Variants in IMMP2L observed in about 807,000 individuals in gnomAD.
IMMP2L encodes inner mitochondrial membrane peptidase subunit 2.
A neutral mutation model predicts 19.3 loss-of-function variants in IMMP2L; 18 were observed. The observed-to-expected ratio is 0.93, with a 90% CI of 0.64 to 1.38. IMMP2L has a LOEUF of 1.38. IMMP2L is among the 40% of genes most tolerant of loss of function. The pLI, the probability that IMMP2L is intolerant of heterozygous loss-of-function variation, is 0.00. For synonymous variants in IMMP2L, 76 were observed against 73.0 expected (o/e 1.04, Z -0.21); for missense variants, 233 against 218.2 (o/e 1.07, Z -0.43).
intron 3 of IMMP2L, among the ~76,000 whole-genome samples, chr7:111,312,985 G>C (rs921365281): frequency 6.6e-6 from 1 of 152,072 alleles, no homozygotes; most frequent in African/African-American, 2.4e-5. Flanking sequence ...CAAAAACAGG[G>C]TTTCAAACCA....
chr7:110,974,038 G>C (rs975206513), intron 3 of IMMP2L, among the ~76,000 whole-genome samples: 2 of 152,086 alleles, frequency 1.3e-5, no homozygotes, highest in African/African-American at 4.8e-5. Context: ...CCAGACACAG[G>C]TATAAGAACC....
At chr7:110,838,241 G>C (rs1457047314) in intron 5 of IMMP2L, among the ~76,000 whole-genome samples, 2 of 151,986 alleles carry the variant, frequency 1.3e-5, no homozygotes, top group African/African-American at 4.8e-5. Context: ...TAATATACAT[G>C]TTCTACTATT....
At chr7:111,379,994 G>C (rs1831044867) in intron 3 of IMMP2L, among the ~76,000 whole-genome samples, 1 of 151,806 alleles carries the variant, frequency 6.6e-6, no homozygotes, top group Non-Finnish European at 1.5e-5. Flanking sequence ...AAAATCAAAA[G>C]TAAGTTACTA....
chr7:111,251,682 G>C (rs1411235073), intron 3 of IMMP2L, among the ~76,000 whole-genome samples: 1 of 152,118 alleles, frequency 6.6e-6, no homozygotes, highest in East Asian at 1.9e-4. Flanking sequence ...TTATAAATGG[G>C]AGCTGAATGA....
intron 3 of IMMP2L, among the ~76,000 whole-genome samples, chr7:111,315,454 G>T (rs1823959808): frequency 6.6e-6 from 1 of 151,496 alleles, no homozygotes; most frequent in East Asian, 1.9e-4. Context: ...AATAAATAAA[G>T]TGAAGACAGA....
At chr7:110,719,367 G>A (rs1795430348) in intron 5 of IMMP2L, among the ~76,000 whole-genome samples, 6 of 152,084 alleles carry the variant, frequency 3.9e-5, no homozygotes, top group Admixed American at 3.9e-4. Context: ...AAGAAAAAAG[G>A]CCTTTCTCAC....
intron 2 of IMMP2L, among the ~76,000 whole-genome samples, chr7:111,510,405 T>C (rs751374940): frequency 6.6e-6 from 1 of 152,038 alleles, no homozygotes; most frequent in Non-Finnish European, 1.5e-5. Flanking sequence ...TAGATATAGA[T>C]ATTGATACAG....
At chr7:110,666,213 C>A (rs145220184) in intron 5 of IMMP2L, among the ~76,000 whole-genome samples, 3 of 152,106 alleles carry the variant, frequency 2.0e-5, no homozygotes, top group Non-Finnish European at 4.4e-5. Context: ...TACCTTGCAC[C>A]TAATACCTGC....
At chr7:110,730,251 G>A (rs1446724320) in intron 5 of IMMP2L, among the ~76,000 whole-genome samples, 3 of 152,066 alleles carry the variant, frequency 2.0e-5, no homozygotes, top group Non-Finnish European at 2.9e-5. Context: ...ATCTGGGTGG[G>A]CACCAGCTAA....
chr7:110,916,876 GATCAGTC>G (rs1426127741), intron 4 of IMMP2L, among the ~76,000 whole-genome samples: 1 of 152,080 alleles, frequency 6.6e-6, no homozygotes, highest in Non-Finnish European at 1.5e-5. Flanking sequence ...CTCATTAATA[GATCAGTC>G]ATCACAAAAT....
intron 3 of IMMP2L, among the ~76,000 whole-genome samples, chr7:111,346,957 T>C (rs1827627364): frequency 6.6e-6 from 1 of 152,054 alleles, no homozygotes; most frequent in African/African-American, 2.4e-5. Context: ...CAAAATTAAC[T>C]GTGATAATAG....
intron 3 of IMMP2L, among the ~76,000 whole-genome samples, chr7:111,068,913 G>A (rs12674439): frequency 0.77 from 116,596 of 152,060 alleles, 47,669 homozygotes; most frequent in Non-Finnish European, 0.9. Flanking sequence ...AGGGATGATA[G>A]CCAATACAAT....
At chr7:110,832,843 C>A (rs1804089869) in intron 5 of IMMP2L, among the ~76,000 whole-genome samples, 1 of 152,030 alleles carries the variant, frequency 6.6e-6, no homozygotes, top group African/African-American at 2.4e-5. Context: ...TAGAAATAGA[C>A]ACAGAAGTCG....
intron 5 of IMMP2L, among the ~76,000 whole-genome samples, chr7:110,701,290 A>G (rs1197711456): frequency 6.6e-6 from 1 of 152,210 alleles, no homozygotes; most frequent in Non-Finnish European, 1.5e-5. Context: ...CCTAATAGCA[A>G]ATTACTATCA....
chr7:110,982,001 T>C (rs990983280), intron 3 of IMMP2L, among the ~76,000 whole-genome samples: 3 of 152,196 alleles, frequency 2.0e-5, no homozygotes, highest in East Asian at 1.9e-4. Flanking sequence ...ACAAAACTGA[T>C]AGTAGGGCAT....
chr7:111,096,695 T>G (rs1797439454), intron 3 of IMMP2L, among the ~76,000 whole-genome samples: 1 of 151,740 alleles, frequency 6.6e-6, no homozygotes, highest in Non-Finnish European at 1.5e-5. Context: ...ATTTTCCAGG[T>G]TACTAAAAAT....
At chr7:111,399,182 T>C (rs1833185231) in intron 3 of IMMP2L, among the ~76,000 whole-genome samples, 1 of 152,072 alleles carries the variant, frequency 6.6e-6, no homozygotes, top group African/African-American at 2.4e-5. Context: ...AAAGCAAGAC[T>C]AAGCAAAAAG....
chr7:111,536,587 G>T (rs764090367), intron 1 of IMMP2L, among the ~76,000 whole-genome samples: 2 of 152,116 alleles, frequency 1.3e-5, no homozygotes, highest in African/African-American at 4.8e-5. Context: ...GATTACAGGT[G>T]TGAGCTACTG....
chr7:110,965,969 T>C (rs753902956), intron 3 of IMMP2L, among the ~76,000 whole-genome samples: 1 of 152,026 alleles, frequency 6.6e-6, no homozygotes, highest in Admixed American at 6.6e-5. Context: ...TACGAATGTA[T>C]GCCAAATTTT....
Sources: gnomAD v4.1 joint callset for allele counts (sites outside exome capture counted in the v4.1 genomes callset) on GRCh38, gnomAD v4.1.1 for gene constraint, MANE v1.5 for transcripts, NCBI Gene and HGNC (gene_info 2026-07-23, HGNC 2026-07-21) for gene names.